The following SLC39A11 variants were observed in gnomAD, a reference collection of about 807,000 sequenced individuals.
The protein encoded by SLC39A11 is solute carrier family 39 member 11.
SLC39A11 carries 33 observed loss-of-function variants against 36.1 expected under a neutral mutation model. That is an observed-to-expected ratio of 0.91 (90% CI 0.69 to 1.22). The LOEUF (loss-of-function observed/expected upper bound fraction) is 1.22, where lower values mean the gene tolerates loss of function less well. SLC39A11 is among the 50% of genes most tolerant of loss of function. The probability of loss-of-function intolerance (pLI) is 0.00; values close to 1 mark genes in which losing one functional copy is unlikely to be tolerated. For missense variants in SLC39A11, 432 were observed against 430.3 expected, an observed-to-expected ratio of 1.00 and a Z score of -0.03; for synonymous variants, 166 against 170.3, an observed-to-expected ratio of 0.97 and a Z score of 0.20.
At chr17:73,051,498 G>A (rs2059497514) in intron 3 of SLC39A11, among the ~76,000 whole-genome samples, 1 of 151,776 alleles carries the variant, frequency 6.6e-6, no homozygotes, top group Middle Eastern at 3.4e-3. Context: ...AGCCTTGACT[G>A]AGAAGAGACA....
intron 6 of SLC39A11, among the ~76,000 whole-genome samples, chr17:72,753,907 A>C (rs895022021): frequency 7.4e-5 from 11 of 149,654 alleles, no homozygotes; most frequent in African/African-American, 9.9e-5. Flanking sequence ...AAAAAAAAAA[A>C]AAAAACCTGC....
chr17:72,910,926 CAAAAAAAAA>C (rs199741291), intron 5 of SLC39A11, among the ~76,000 whole-genome samples: 8 of 111,998 alleles, frequency 7.1e-5, no homozygotes, highest in Admixed American at 1.9e-4. Flanking sequence ...GACTCCACCT[CAAAAAAAAA>C]AAAAAAAAAA....
At chr17:72,981,564 T>C (rs1290551126) in intron 4 of SLC39A11, among the ~76,000 whole-genome samples, 2 of 118,938 alleles carry the variant, frequency 1.7e-5, no homozygotes, top group Non-Finnish European at 3.5e-5. Flanking sequence ...TATACCAAAA[T>C]AGATTCTGGA....
intron 4 of SLC39A11, among the ~76,000 whole-genome samples, chr17:73,018,337 T>TTTTCC (rs1452980089): frequency 2.0e-5 from 3 of 152,016 alleles, no homozygotes; most frequent in Non-Finnish European, 4.4e-5. Context: ...TTACCTGAGG[T>TTTTCC]CAGGAGTTCA....
intron 5 of SLC39A11, among the ~76,000 whole-genome samples, chr17:72,855,326 T>C (rs1431967370): frequency 6.6e-6 from 1 of 152,184 alleles, no homozygotes; most frequent in African/African-American, 2.4e-5. Context: ...CTAAATCTAA[T>C]GGGCCCAATG....
At position 73,029,450 on chromosome 17, in the gene SLC39A11, T is replaced by C. The variant is rs372436989; in HGVS notation, c.306+2106A>G. On this transcript the variant is annotated intron_variant, in intron 4 of 9. Transcript: ENST00000255559. ...AAGCAGAATACACTCCAACAACAAG[T>C]TCACACAAAACCAGGGTGGCCTTGA... is the stretch of plus-strand genomic sequence containing the variant. Among the ~76,000 whole-genome samples the C allele has an allele frequency of 1.4e-3, 210 of 152,092 alleles. 2 individuals carry two copies. Among genetic ancestry groups the C allele is most frequent in the African/African-American group, 4.8e-3 (199 of 41,502 alleles).
At chr17:72,675,334 C>T (rs1227727549) in intron 7 of SLC39A11, among the ~76,000 whole-genome samples, 2 of 152,174 alleles carry the variant, frequency 1.3e-5, no homozygotes, top group African/African-American at 2.4e-5. Flanking sequence ...ACACCATCTA[C>T]GAACCAGCAA....
chr17:73,074,981 TG>T (rs2060275461), intron 3 of SLC39A11, among the ~76,000 whole-genome samples: 1 of 152,204 alleles, frequency 6.6e-6, no homozygotes, highest in South Asian at 2.1e-4. Context: ...GATTCCTAGT[TG>T]GTTCAAGACT....
intron 5 of SLC39A11, among the ~76,000 whole-genome samples, chr17:72,883,062 G>A (rs2146585603): frequency 6.6e-6 from 1 of 152,172 alleles, no homozygotes; most frequent in South Asian, 2.1e-4. Context: ...CTCCCAATGT[G>A]GTTGGATTAC....
chr17:72,901,867 G>T (rs1331879962), intron 5 of SLC39A11, among the ~76,000 whole-genome samples: 1 of 152,156 alleles, frequency 6.6e-6, no homozygotes, highest in Non-Finnish European at 1.5e-5. Context: ...CTGAGATAAA[G>T]ACACAGCTAG....
At chr17:72,878,509 C>T (rs1437914678) in intron 5 of SLC39A11, among the ~76,000 whole-genome samples, 2 of 152,212 alleles carry the variant, frequency 1.3e-5, no homozygotes, top group African/African-American at 2.4e-5. Context: ...TTCCTCTAGA[C>T]ATTCCCATCA....
chr17:73,056,950 C>G (rs976105969), intron 3 of SLC39A11, among the ~76,000 whole-genome samples: 1 of 152,128 alleles, frequency 6.6e-6, no homozygotes, highest in Non-Finnish European at 1.5e-5. Context: ...CCCCAAAAAA[C>G]AATGGGATGC....
intron 4 of SLC39A11, among the ~76,000 whole-genome samples, chr17:73,026,135 G>A (rs1384026770): frequency 2.0e-5 from 3 of 149,760 alleles, no homozygotes; most frequent in African/African-American, 7.4e-5. Flanking sequence ...GAGAAGAGAA[G>A]AGAAGAGAAA....
chr17:72,822,525 T>C lies in SLC39A11; in HGVS notation c.601+27109A>G, dbSNP rs531513977. On this transcript the variant is annotated intron_variant, in intron 6 of 9. Coordinates refer to ENST00000255559, the MANE Select transcript of SLC39A11 (RefSeq NM_139177.4). ...TATGCCCTCAGCTTCACGTGGCCAG[T>C]GCACAACAACTGAGAGAAACAGGTG... 9.3e-5 allele frequency among the ~76,000 whole-genome samples: 14 copies of C among 150,994 alleles called. No homozygotes were observed. In the East Asian group the frequency reaches 2.3e-3, roughly 25 times the overall value.
intron 4 of SLC39A11, among the ~76,000 whole-genome samples, chr17:73,017,703 C>T (rs984029200): frequency 2.6e-5 from 4 of 151,778 alleles, no homozygotes; most frequent in Non-Finnish European, 4.4e-5. Context: ...ATATAGACTT[C>T]GTCTCAAAAA....
chr17:72,874,905 CT>C (rs1259616857), intron 5 of SLC39A11, among the ~76,000 whole-genome samples: 2 of 152,146 alleles, frequency 1.3e-5, no homozygotes, highest in African/African-American at 4.8e-5. Context: ...TTCTTTCCCA[CT>C]GAAAACTGAG....
intron 6 of SLC39A11, among the ~76,000 whole-genome samples, chr17:72,769,689 T>C (rs1223154725): frequency 1.3e-5 from 2 of 152,146 alleles, no homozygotes; most frequent in Non-Finnish European, 2.9e-5. Flanking sequence ...CGACTACAGG[T>C]GCGTGCCACC....
intron 5 of SLC39A11, among the ~76,000 whole-genome samples, chr17:72,861,680 T>TATATATATATAC (rs2080021347): frequency 1.6e-5 from 2 of 122,912 alleles, no homozygotes; most frequent in East Asian, 2.6e-4. Flanking sequence ...TATATATATA[T>TATATATATATAC]ATATATATAA....
At chr17:73,068,818 G>T (rs776319159) in intron 3 of SLC39A11, among the ~76,000 whole-genome samples, 3 of 152,062 alleles carry the variant, frequency 2.0e-5, no homozygotes, top group Non-Finnish European at 2.9e-5. Flanking sequence ...TTTCTCAACT[G>T]CCAGCCTCCC....
Sources: allele counts gnomAD v4.1 joint callset (sites outside exome capture counted in the v4.1 genomes callset), GRCh38; gene constraint gnomAD v4.1.1; transcripts MANE v1.5; gene names NCBI Gene and HGNC (gene_info 2026-07-23, HGNC 2026-07-21).